Variants in RALGPS2 observed in about 807,000 individuals in gnomAD.
RALGPS2 encodes the protein Ral GEF with PH domain and SH3 binding motif 2.
Under a neutral mutation model 86.8 loss-of-function variants are expected in RALGPS2, and 43 were observed. That is an observed-to-expected ratio of 0.50 (90% confidence interval 0.39 to 0.64). The LOEUF (loss-of-function observed/expected upper bound fraction) is 0.64, where lower values mean the gene tolerates loss of function less well. Among genes scored for constraint, RALGPS2 ranks in the 30% least tolerant of loss-of-function variants. The pLI is 0.00. For missense variants in RALGPS2, 536 were observed against 694.6 expected, an observed-to-expected ratio of 0.77 and a Z score of 2.57; for synonymous variants, 243 against 231.3, an observed-to-expected ratio of 1.05 and a Z score of -0.46.
chr1:178,911,333 C>A (rs1660614511), intron 19 of RALGPS2, among the ~76,000 whole-genome samples: 1 of 151,874 alleles, frequency 6.6e-6, no homozygotes, highest in East Asian at 1.9e-4. Context: ...TTTTCTAGTT[C>A]CTCAAGGTAT....
At chr1:178,747,310 A>G (rs1020671775) in intron 1 of RALGPS2, 41 of 1,532,358 alleles carry the variant, frequency 2.7e-5, no homozygotes, top group Non-Finnish European at 3.7e-5. Context: ...AATCTGGCCA[A>G]GTAGTATAAT....
chr1:178,902,064 C>T (rs754992989), intron 17 of RALGPS2, 42 bp from the exon 18 acceptor site: 4 of 1,459,840 alleles, frequency 2.7e-6, no homozygotes, highest in Admixed American at 3.4e-5. Context: ...TAGAATAAAC[C>T]ATAAATTTTC....
chr1:178,883,352 C>G (rs1199365145), intron 10 of RALGPS2, 114 bp from the exon 11 acceptor site: 1 of 779,774 alleles, frequency 1.3e-6, no homozygotes, highest in African/African-American at 1.8e-5. Flanking sequence ...GTATATAGGT[C>G]AGATTATTTC....
rs765759349 is a variant in RALGPS2 at position 178,892,273 on chromosome 1, C to T, written c.1291C>T (p.Arg431Ter). The change falls in exon 15 of 20, where the codon CGA (arginine) becomes TGA (stop). Residue 431 changes from arginine to a stop codon, truncating the protein, a stop_gained. Transcript: ENST00000367635. LOFTEE classifies it high-confidence loss of function. ...HSLGPVTRVA[R>*]NGYRSHMKAS... ...TCTCGGCCCGGTGACAAGAGTGGCA[C>T]GAAATGGCTATCGAAGTCACATGAA... The T allele has an allele frequency of 4.3e-6, 7 of 1,612,570 alleles. No individual in the cohort carries two copies. The highest frequency in any genetic ancestry group is 2.7e-5 in the African/African-American group (2 of 74,806).
At chr1:178,796,642 T>G (rs1654203587) in intron 4 of RALGPS2, among the ~76,000 whole-genome samples, 1 of 152,164 alleles carries the variant, frequency 6.6e-6, no homozygotes, top group Admixed American at 6.5e-5. Context: ...AGCATCACCC[T>G]TAGAACATTC....
intron 1 of RALGPS2, chr1:178,726,109 G>A (rs1325849534): frequency 6.6e-6 from 1 of 152,104 alleles, no homozygotes; most frequent in East Asian, 1.9e-4. Flanking sequence ...CCGGGCTCTA[G>A]AAAAAAAAGG....
At chr1:178,816,808 A>C (rs1277900515) in intron 6 of RALGPS2, among the ~76,000 whole-genome samples, 6 of 151,382 alleles carry the variant, frequency 4.0e-5, no homozygotes, top group African/African-American at 1.5e-4. Flanking sequence ...TCCTAGGTTC[A>C]AGCGATTCTC....
intron 8 of RALGPS2, among the ~76,000 whole-genome samples, chr1:178,860,986 G>A (rs1485717537): frequency 6.6e-6 from 1 of 152,058 alleles, no homozygotes; most frequent in Non-Finnish European, 1.5e-5. Context: ...GTTGTTGCTT[G>A]TAGTAATTTA....
intron 2 of RALGPS2, among the ~76,000 whole-genome samples, chr1:178,779,186 T>C (rs933506093): frequency 9.9e-5 from 15 of 152,200 alleles, no homozygotes; most frequent in African/African-American, 3.6e-4. Flanking sequence ...GCTGATGTAG[T>C]TTAGCATTTA....
intron 1 of RALGPS2, among the ~76,000 whole-genome samples, chr1:178,737,436 C>CG (rs1436987874): frequency 7.9e-5 from 12 of 152,058 alleles, no homozygotes; most frequent in South Asian, 4.2e-4. Flanking sequence ...TTAGTAGAGA[C>CG]GGGGTTTCAC....
At chr1:178,900,704 T>TC (rs1366229934) in intron 17 of RALGPS2, among the ~76,000 whole-genome samples, 2 of 151,854 alleles carry the variant, frequency 1.3e-5, no homozygotes, top group Non-Finnish European at 2.9e-5. Flanking sequence ...TGTAAATATA[T>TC]CCCCCATTAA....
chr1:178,887,280 C>G (rs912105426), intron 13 of RALGPS2, among the ~76,000 whole-genome samples: 3 of 152,044 alleles, frequency 2.0e-5, no homozygotes, highest in African/African-American at 4.8e-5. Flanking sequence ...TGGCAAAACC[C>G]CATCTCTACT....
chr1:178,728,986 T>C (rs1201620317), intron 1 of RALGPS2, among the ~76,000 whole-genome samples: 1 of 152,216 alleles, frequency 6.6e-6, no homozygotes, highest in African/African-American at 2.4e-5. Context: ...TATATGGATA[T>C]AGCAGTGTTC....
In RALGPS2 at chr1:178,916,339, A is replaced by G. The variant is rs369314414; in HGVS notation, c.1732A>G (p.Asn578Asp). 2 of 1,602,086 alleles carry G rather than the reference A, an allele frequency of 1.2e-6. No individual in the cohort carries two copies. Among genetic ancestry groups the G allele is most frequent in the African/African-American group, 2.7e-5 (2 of 74,620 alleles). The change falls in exon 20 of 20, where the codon AAC (asparagine) becomes GAC (aspartate). Residue 578 changes from asparagine (N) to aspartate (D), a missense_variant. By Grantham distance (23) the Asn-to-Asp change is conservative. Transcript: ENST00000367635. ...CQSNKQQVPT[N>D]LMTFE ...TGCTTATATTTTTTAGGTTCCTACA[A>G]ACTTGATGACTTTTGAGTAGAAGCC...
At chr1:178,837,524 A>G (rs1287117327) in intron 8 of RALGPS2, among the ~76,000 whole-genome samples, 6 of 152,188 alleles carry the variant, frequency 3.9e-5, no homozygotes, top group African/African-American at 1.4e-4. Flanking sequence ...AGGGTTACCC[A>G]AGAATTAGAA....
At chr1:178,853,265 A>G (rs1657301740) in intron 8 of RALGPS2, 1 of 957,452 alleles carries the variant, frequency 1.0e-6, no homozygotes, top group Non-Finnish European at 1.2e-6. Flanking sequence ...TACTACCCAG[A>G]TCCTTAAAAA....
At chr1:178,833,680 GA>G (rs1456996604) in intron 8 of RALGPS2, 130 bp downstream of exon 8, 11 of 1,358,438 alleles carry the variant, frequency 8.1e-6, no homozygotes, top group Admixed American at 3.7e-5. Context: ...TTGGTAAGCT[GA>G]AAAAAATGAC....
chr1:178,893,882 C>G (rs1427366964), intron 15 of RALGPS2, 37 bp from the exon 16 acceptor site: 2 of 1,372,060 alleles, frequency 1.5e-6, no homozygotes, highest in African/African-American at 2.9e-5. Context: ...CTATTGTAGA[C>G]AAAAGCTCTT....
At chr1:178,823,076 C>A (rs1278358994) in intron 7 of RALGPS2, among the ~76,000 whole-genome samples, 1 of 152,194 alleles carries the variant, frequency 6.6e-6, no homozygotes, top group Non-Finnish European at 1.5e-5. Flanking sequence ...CCCGCCTTAG[C>A]CTCTCAAAGT....
Sources: gnomAD v4.1 joint callset for allele counts (sites outside exome capture counted in the v4.1 genomes callset) on GRCh38, gnomAD v4.1.1 for gene constraint, MANE v1.5 for transcripts, NCBI Gene and HGNC (gene_info 2026-07-23, HGNC 2026-07-21) for gene names.